OTOGL: variants seen among roughly 807,000 people sequenced by gnomAD.
OTOGL encodes otogelin like.
Under a neutral mutation model 318.5 loss-of-function variants are expected in OTOGL, and 285 were observed. That is an observed-to-expected ratio of 0.89 (90% CI 0.81 to 0.99). The LOEUF is 0.99. OTOGL is among the 50% of genes least tolerant of loss of function. OTOGL has a pLI of 0.00. For missense variants in OTOGL, 2,899 were observed against 2,845.6 expected (o/e 1.02, Z -0.43); for synonymous variants, 987 against 936.5 (o/e 1.05, Z -0.99).
At chr12:80,275,312 T>C (rs1883718005) in intron 24 of OTOGL, among the ~76,000 whole-genome samples, 1 of 151,956 alleles carries the variant, frequency 6.6e-6, no homozygotes, top group Non-Finnish European at 1.5e-5. Flanking sequence ...TTGAGGGTTT[T>C]AAGATGTCAG....
At chr12:80,147,180 C>T (rs201146644) in intron 1 of OTOGL, among the ~76,000 whole-genome samples, 2,706 of 151,564 alleles carry the variant, frequency 0.018, 66 homozygotes, top group East Asian at 0.1. Flanking sequence ...CTGCTTTCTC[C>T]TGTGGGCATT....
intron 52 of OTOGL, among the ~76,000 whole-genome samples, chr12:80,364,389 T>C (rs1890406699): frequency 6.6e-6 from 1 of 152,172 alleles, no homozygotes; most frequent in Non-Finnish European, 1.5e-5. Flanking sequence ...GCCTTTGCAT[T>C]TTTTTAAAAT....
At chr12:80,355,329 A>G (rs1889820264) in intron 46 of OTOGL, among the ~76,000 whole-genome samples, 1 of 144,198 alleles carries the variant, frequency 6.9e-6, no homozygotes. Context: ...GCCTCCAGTG[A>G]TCCTCCCACC....
intron 1 of OTOGL, among the ~76,000 whole-genome samples, chr12:80,174,391 TG>T (rs1296397548): frequency 6.6e-6 from 1 of 152,210 alleles, no homozygotes; most frequent in African/African-American, 2.4e-5. Flanking sequence ...CAAATCATAA[TG>T]GGACTGATTT....
intron 49 of OTOGL, among the ~76,000 whole-genome samples, 178 bp downstream of exon 49, chr12:80,357,092 T>G (rs1592751542): frequency 1.3e-5 from 2 of 152,254 alleles, no homozygotes; most frequent in Admixed American, 1.3e-4. Context: ...ACAATAATAA[T>G]AAATACCTTC....
At chr12:80,323,061 T>TTTGGTA (rs1358613170) in intron 34 of OTOGL, among the ~76,000 whole-genome samples, 2 of 151,202 alleles carry the variant, frequency 1.3e-5, no homozygotes, top group African/African-American at 4.9e-5. Flanking sequence ...TAAACAAGTG[T>TTTGGTA]TTGGTATTAT....
intron 43 of OTOGL, 44 bp downstream of exon 43, chr12:80,339,308 T>TTTG: frequency 7.1e-7 from 1 of 1,414,020 alleles, no homozygotes; most frequent in Non-Finnish European, 9.5e-7. Context: ...GTTTTTTTTT[T>TTTG]TTTTTTTTTT....
chr12:80,306,849 C>T (rs1225000093), intron 29 of OTOGL, among the ~76,000 whole-genome samples: 1 of 145,814 alleles, frequency 6.9e-6, no homozygotes, highest in Admixed American at 6.9e-5. Flanking sequence ...GGGTGTTTCT[C>T]GCAGAGGGGG....
rs770613658 is a variant in OTOGL, at chr12:80,358,760, C to T, written c.6211C>T (p.Pro2071Ser). Residue 2071 changes from proline to serine, a missense_variant, in exon 51 of 59, where the codon CCA becomes TCA. Physicochemically the swap from Pro to Ser is moderately conservative, Grantham distance 74. Around this residue, in one of 3 missense-constraint regions of OTOGL, gnomAD observed 2,607 missense variants for 2,524.9 expected, o/e 1.03. Coordinates refer to ENST00000547103, the MANE Select transcript of OTOGL (RefSeq NM_001378609.3). ...VKENVSGQCCPTWHCECNCEN... is the reference protein window; with the variant it reads ...VKENVSGQCCSTWHCECNCEN... The stretch of plus-strand genomic sequence containing the variant: ...AGAAAATGTATCTGGTCAATGTTGC[C>T]CAACATGGCACTGTGGTAACTAATT... 6.2e-7 allele frequency: 1 copy of T among 1,608,126 alleles called. No homozygotes were observed. Among genetic ancestry groups the T allele is most frequent in the Non-Finnish European group, 8.5e-7 (1 of 1,175,298 alleles).
At chr12:80,314,629 A>G (rs1322875126) in intron 32 of OTOGL, among the ~76,000 whole-genome samples, 1 of 152,156 alleles carries the variant, frequency 6.6e-6, no homozygotes, top group Non-Finnish European at 1.5e-5. Flanking sequence ...TTTTTAGATA[A>G]AAAGGATGAA....
At chr12:80,278,958 G>A (rs1441630888) in intron 25 of OTOGL, 70 bp from the exon 26 acceptor site, 5 of 1,509,476 alleles carry the variant, frequency 3.3e-6, no homozygotes, top group East Asian at 2.3e-5. Flanking sequence ...ACATTCCAAT[G>A]TTGCTGTCAC....
chr12:80,300,781 T>C (rs1885706150), intron 27 of OTOGL, among the ~76,000 whole-genome samples: 1 of 152,234 alleles, frequency 6.6e-6, no homozygotes, highest in South Asian at 2.1e-4. Flanking sequence ...ACAGAGTTCC[T>C]AGCAGGAGGA....
intron 1 of OTOGL, among the ~76,000 whole-genome samples, chr12:80,101,074 G>C (rs1259811045): frequency 6.6e-6 from 1 of 152,144 alleles, no homozygotes; most frequent in Non-Finnish European, 1.5e-5. Flanking sequence ...TGCAATGAAA[G>C]GTAAAATGAA....
intron 1 of OTOGL, among the ~76,000 whole-genome samples, chr12:80,127,235 T>C (rs1870909415): frequency 6.6e-6 from 1 of 152,218 alleles, no homozygotes; most frequent in Admixed American, 6.5e-5. Context: ...AGGGCAGGCC[T>C]GGTGGTGACA....
In OTOGL at chr12:80,193,502, T is replaced by C. The variant is rs148079917; in HGVS notation, c.-19-15911T>C. ...CTGCACTCCACCCTGGGTGTCAGAG[T>C]GAGACTTCATCTAAAAGTAATAATA... On this transcript the variant is annotated intron_variant, in intron 1 of 58. Coordinates refer to ENST00000547103, the MANE Select transcript of OTOGL (RefSeq NM_001378609.3). 5.5e-3 allele frequency among the ~76,000 whole-genome samples: 842 copies of C among 152,022 alleles called. 10 individuals carry two copies. The highest frequency in any genetic ancestry group is 0.019 in the African/African-American group (794 of 41,426).
intron 9 of OTOGL, among the ~76,000 whole-genome samples, chr12:80,236,590 T>A (rs1879867640): frequency 6.6e-6 from 1 of 152,162 alleles, no homozygotes; most frequent in Non-Finnish European, 1.5e-5. Flanking sequence ...ATGTTTTTGT[T>A]TCTTTAGACC....
chr12:80,372,042 T>C lies in OTOGL; in HGVS notation c.6759T>C (p.Tyr2253=), dbSNP rs1359871944. The change falls in exon 57 of 59, where the codon TAT becomes TAC. Residue 2253 remains tyrosine (Y), a synonymous_variant. Transcript: ENST00000547103. Reference sequence around the variant, plus strand: ...AGAATGAAGGGATTGTGAAGCTTTATAATGAAGGCTGTTGCAAGATCTGTA... The same window carrying C: ...AGAATGAAGGGATTGTGAAGCTTTACAATGAAGGCTGTTGCAAGATCTGTA... ...CKMNEGIVKL[Y]NEGCCKICKR... is the part of the protein sequence containing the mutation. The C allele has an allele frequency of 1.3e-6, 2 of 1,556,806 alleles. No individual in the cohort carries two copies.
intron 40 of OTOGL, 43 bp downstream of exon 40, chr12:80,336,598 A>G (rs754956214): frequency 1.9e-6 from 3 of 1,564,364 alleles, no homozygotes; most frequent in African/African-American, 1.4e-5. Context: ...TCATAAATCT[A>G]TAGCTAATGT....
At chr12:80,308,194 C>T (rs866807086) in intron 29 of OTOGL, among the ~76,000 whole-genome samples, 1,511 of 150,714 alleles carry the variant, frequency 0.01, 42 homozygotes, top group African/African-American at 0.035. Context: ...GGCGGAGACA[C>T]TCCTCACTTC....
Sources: gnomAD v4.1 joint callset for allele counts (sites outside exome capture counted in the v4.1 genomes callset) on GRCh38, gnomAD v4.1.1 for gene constraint, gnomAD v4.1.1 regional missense constraint, MANE v1.5 for transcripts, NCBI Gene and HGNC (gene_info 2026-07-23, HGNC 2026-07-21) for gene names.